ABL1: variants seen among roughly 807,000 people sequenced by gnomAD.
ABL1 encodes ABL proto-oncogene 1, non-receptor tyrosine kinase, also known as tyrosine-protein kinase ABL1.
In ABL1, 11 loss-of-function variants were observed where a neutral mutation model predicts 94.7. The observed-to-expected ratio is 0.12, with a 90% CI of 0.07 to 0.19. The LOEUF is 0.19. ABL1 is among the 10% of genes least tolerant of loss of function. The pLI, the probability that ABL1 is intolerant of heterozygous loss-of-function variation, is 1.00. For synonymous variants in ABL1, 656 were observed against 622.4 expected (o/e 1.05, Z -0.80); for missense variants, 1,082 against 1,489.4 (o/e 0.73, Z 4.50).
chr9:130,722,337 G>A (rs1333031871), intron 1 of ABL1, among the ~76,000 whole-genome samples: 1 of 152,102 alleles, frequency 6.6e-6, no homozygotes, highest in Non-Finnish European at 1.5e-5. Flanking sequence ...AGATTGCAGT[G>A]AGCCAAGATC....
chr9:130,879,089 C>T lies in ABL1; in HGVS notation c.1423+522C>T, dbSNP rs35149649. On this transcript the variant is annotated intron_variant, in intron 8 of 10. Transcript: ENST00000318560. ...ATGGGGTTTCTCCATGTTAGTCAGG[C>T]TGGTCTCCAACTCCCAACCTCAGGT... 9.4e-3 allele frequency among the ~76,000 whole-genome samples: 1,428 copies of T among 152,170 alleles called. 22 individuals carry two copies. The highest frequency in any genetic ancestry group is 0.032 in the African/African-American group (1,333 of 41,524).
In ABL1 at chr9:130,854,160, G is replaced by A. The variant is rs2132956388; in HGVS notation, c.176G>A (p.Ser59Asn). Residue 59 changes from serine to asparagine, a missense_variant, in exon 2 of 11, where the codon AGT becomes AAT. Around this residue, in one of 7 missense-constraint regions of ABL1, gnomAD observed 65 missense variants for 80.8 expected, o/e 0.80. Transcript: ENST00000318560. ...AAGGAAAACCTTCTCGCTGGACCCAGTGAAAATGACCCCAACCTTTTCGTT... is the reference window on the plus strand; with the variant it reads ...AAGGAAAACCTTCTCGCTGGACCCAATGAAAATGACCCCAACCTTTTCGTT... ...NSKENLLAGP[S>N]ENDPNLFVAL... is the part of the protein sequence containing the mutation. 6.2e-7 allele frequency: 1 copy of A among 1,614,186 alleles called. No homozygotes were observed. The highest frequency in any genetic ancestry group is 8.5e-7 in the Non-Finnish European group (1 of 1,180,028).
chr9:130,882,077 G>A (rs748436213), intron 10 of ABL1, among the ~76,000 whole-genome samples: 40 of 152,190 alleles, frequency 2.6e-4, no homozygotes, highest in Non-Finnish European at 4.0e-4. Flanking sequence ...AGGTTATGGC[G>A]TATAGACTCT....
At chr9:130,765,504 G>A (rs1422634392) in intron 1 of ABL1, among the ~76,000 whole-genome samples, 1 of 152,148 alleles carries the variant, frequency 6.6e-6, no homozygotes, top group African/African-American at 2.4e-5. Flanking sequence ...ATGGCCTTAC[G>A]ATAAATTCCT....
At chr9:130,784,874 G>A (rs1248768732) in intron 1 of ABL1, among the ~76,000 whole-genome samples, 1 of 152,168 alleles carries the variant, frequency 6.6e-6, no homozygotes, top group Non-Finnish European at 1.5e-5. Flanking sequence ...ATGCAACACG[G>A]CCATTTTATT....
At chr9:130,762,522 C>T (rs1015587187) in intron 1 of ABL1, among the ~76,000 whole-genome samples, 12 of 152,034 alleles carry the variant, frequency 7.9e-5, no homozygotes, top group African/African-American at 2.4e-4. Flanking sequence ...GGTGTCTGAT[C>T]GAGTCCATCA....
At chr9:130,806,146 C>G (rs1588245652) in intron 1 of ABL1, among the ~76,000 whole-genome samples, 1 of 152,266 alleles carries the variant, frequency 6.6e-6, no homozygotes, top group South Asian at 2.1e-4. Context: ...GGTCAAAGAC[C>G]AGATGCCACC....
chr9:130,769,914 G>C (rs1209961623), intron 1 of ABL1, among the ~76,000 whole-genome samples: 1 of 152,080 alleles, frequency 6.6e-6, no homozygotes, highest in Non-Finnish European at 1.5e-5. Flanking sequence ...GCCTTTTCCA[G>C]AATGTCATAT....
At chr9:130,759,774 G>C (rs951987741) in intron 1 of ABL1, among the ~76,000 whole-genome samples, 1 of 151,874 alleles carries the variant, frequency 6.6e-6, no homozygotes, top group African/African-American at 2.4e-5. Context: ...CCTAGGACAC[G>C]CTGTCATTGT....
At chr9:130,730,197 C>T (rs1050124279) in intron 1 of ABL1, among the ~76,000 whole-genome samples, 1 of 151,928 alleles carries the variant, frequency 6.6e-6, no homozygotes, top group Non-Finnish European at 1.5e-5. Flanking sequence ...CATGTGCCAC[C>T]AAACCCAGCT....
intron 1 of ABL1, among the ~76,000 whole-genome samples, chr9:130,813,164 G>A (rs199878626): frequency 4.6e-5 from 7 of 152,028 alleles, no homozygotes; most frequent in African/African-American, 1.7e-4. Flanking sequence ...GCAGTGAGCC[G>A]AGATTGCACT....
At chr9:130,735,121 C>A (rs1400198524) in intron 1 of ABL1, among the ~76,000 whole-genome samples, 4 of 152,096 alleles carry the variant, frequency 2.6e-5, no homozygotes, top group East Asian at 3.9e-4. Flanking sequence ...CCTCCGCCGC[C>A]TGGGTTCAAG....
intron 1 of ABL1, among the ~76,000 whole-genome samples, chr9:130,803,260 G>A (rs1830080743): frequency 6.6e-6 from 1 of 152,054 alleles, no homozygotes; most frequent in Non-Finnish European, 1.5e-5. Flanking sequence ...GGCTGGTCAC[G>A]AACTCGTGAA....
chr9:130,805,473 C>T (rs1332056487), intron 1 of ABL1, among the ~76,000 whole-genome samples: 1 of 152,138 alleles, frequency 6.6e-6, no homozygotes, highest in African/African-American at 2.4e-5. Context: ...AATTTCTTGA[C>T]TGTTTACTTG....
chr9:130,722,604 C>G (rs1831530799), intron 1 of ABL1, among the ~76,000 whole-genome samples: 1 of 152,230 alleles, frequency 6.6e-6, no homozygotes, highest in South Asian at 2.1e-4. Context: ...ATCCTCTTGC[C>G]TTAGCCTCCC....
At chr9:130,811,230 A>G (rs956005533) in intron 1 of ABL1, among the ~76,000 whole-genome samples, 3 of 152,214 alleles carry the variant, frequency 2.0e-5, no homozygotes, top group Non-Finnish European at 4.4e-5. Context: ...CCCAGGCTGC[A>G]GTGAGCTATG....
intron 1 of ABL1, chr9:130,724,747 TAAAA>T (rs34124679): frequency 4.0e-3 from 1,225 of 308,820 alleles, no homozygotes; most frequent in South Asian, 5.0e-3. Context: ...ACCCTGTCTT[TAAAA>T]AAAAAAAAAA....
At chr9:130,882,615 A>G (rs1588282128) in intron 10 of ABL1, among the ~76,000 whole-genome samples, 2 of 151,594 alleles carry the variant, frequency 1.3e-5, no homozygotes, top group Non-Finnish European at 2.9e-5. Flanking sequence ...GCTCACTGCA[A>G]CCTCCACCTC....
At chr9:130,727,933 T>A (rs74935763) in intron 1 of ABL1, among the ~76,000 whole-genome samples, 4,256 of 151,918 alleles carry the variant, frequency 0.028, 80 homozygotes, top group African/African-American at 0.05. Context: ...AAGCTAACTT[T>A]GAAAAATATT....
Sources: allele counts gnomAD v4.1 joint callset (sites outside exome capture counted in the v4.1 genomes callset), GRCh38; gene constraint gnomAD v4.1.1; regional missense constraint gnomAD v4.1.1; transcripts MANE v1.5; gene names NCBI Gene and HGNC (gene_info 2026-07-23, HGNC 2026-07-21).